The following RAB28 variants were observed in gnomAD, a reference collection of about 807,000 sequenced individuals.
The protein encoded by RAB28 is RAB28, member RAS oncogene family, also known as ras-related protein Rab-28.
RAB28 carries 24 observed loss-of-function variants against 31.7 expected under a neutral mutation model. The observed-to-expected ratio is 0.76, with a 90% CI of 0.55 to 1.06. RAB28 has a LOEUF of 1.06. Ranked by LOEUF, RAB28 falls within the 50% of genes least tolerant of loss-of-function variation. RAB28 has a pLI of 0.00. For missense variants in RAB28, 254 were observed against 258.5 expected (o/e 0.98, Z 0.12); for synonymous variants, 100 against 90.4 (o/e 1.11, Z -0.60).
intron 4 of RAB28, among the ~76,000 whole-genome samples, chr4:13,422,684 G>A (rs565742346): frequency 3.6e-4 from 54 of 151,948 alleles, no homozygotes; most frequent in Middle Eastern, 3.4e-3. Flanking sequence ...CTCACTCATC[G>A]GTGGGAATTG....
At chr4:13,433,055 C>T (rs1413603738) in intron 4 of RAB28, among the ~76,000 whole-genome samples, 1 of 150,508 alleles carries the variant, frequency 6.6e-6, no homozygotes, top group Non-Finnish European at 1.5e-5. Flanking sequence ...CCTTATGCTG[C>T]TGTGAAGAGG....
chr4:13,425,767 C>G (rs1002576092), intron 4 of RAB28, among the ~76,000 whole-genome samples: 7 of 152,072 alleles, frequency 4.6e-5, no homozygotes. Context: ...CTTATATTTG[C>G]TTTAGTTGTA....
chr4:13,483,961 G>A (rs1233169172), intron 1 of RAB28, 115 bp downstream of exon 1: 4 of 984,042 alleles, frequency 4.1e-6, no homozygotes, highest in Admixed American at 4.5e-5. Context: ...AGAAGGGCCC[G>A]GGCCTAGAAG....
intron 4 of RAB28, among the ~76,000 whole-genome samples, chr4:13,426,059 T>C (rs906991390): frequency 6.6e-6 from 1 of 152,214 alleles, no homozygotes; most frequent in Non-Finnish European, 1.5e-5. Flanking sequence ...TTAAGTTTTA[T>C]GGCTGTATTA....
At chr4:13,461,951 G>A (rs891152106) in intron 3 of RAB28, among the ~76,000 whole-genome samples, 1 of 152,124 alleles carries the variant, frequency 6.6e-6, no homozygotes, top group Non-Finnish European at 1.5e-5. Flanking sequence ...AATAAACAGA[G>A]GTTAAAATAA....
At chr4:13,459,670 T>C (rs1715483756) in intron 4 of RAB28, 1 of 784,230 alleles carries the variant, frequency 1.3e-6, no homozygotes. Context: ...TTCTCCCTAG[T>C]ACACTCTTTC....
chr4:13,371,805 A>G (rs1025536886), intron 6 of RAB28: 15 of 1,547,090 alleles, frequency 9.7e-6, no homozygotes, highest in African/African-American at 2.7e-5. Context: ...CTTTATTTTT[A>G]GAGCCACAAA....
intron 4 of RAB28, among the ~76,000 whole-genome samples, chr4:13,390,710 T>G (rs574240030): frequency 1.3e-5 from 2 of 151,990 alleles, no homozygotes; most frequent in African/African-American, 2.4e-5. Flanking sequence ...AACAGAGAGA[T>G]AGATCAATGG....
intron 4 of RAB28, among the ~76,000 whole-genome samples, chr4:13,421,631 T>C (rs1713152405): frequency 6.6e-6 from 1 of 152,190 alleles, no homozygotes. Context: ...TCGACAAACC[T>C]GTCAAAAACA....
At chr4:13,445,412 G>A in intron 4 of RAB28, among the ~76,000 whole-genome samples, 1 of 152,036 alleles carries the variant, frequency 6.6e-6, no homozygotes, top group East Asian at 1.9e-4. Flanking sequence ...CCCTGGAGAA[G>A]TGTTGCGATC....
chr4:13,464,338 C>T (rs1047078093), intron 3 of RAB28, among the ~76,000 whole-genome samples: 1 of 152,084 alleles, frequency 6.6e-6, no homozygotes, highest in African/African-American at 2.4e-5. Context: ...AAAAGGCATA[C>T]TCTGCAGAAT....
chr4:13,470,875 T>A lies in RAB28; in HGVS notation c.261+3443A>T, dbSNP rs141992653. Among the ~76,000 whole-genome samples the A allele has an allele frequency of 1.7e-3, 254 of 152,228 alleles. 5 individuals are homozygous for A. The East Asian group carries it at 0.036, about 21-fold the overall frequency. ...TTCAATTTAGTTTTCATCAACACTT[T>A]CAACAGGCTATTGCTAACATTTAAT... On this transcript the variant is annotated intron_variant, in intron 3 of 6. Transcript: ENST00000330852.
At chr4:13,373,075 G>A (rs1230937911) in intron 6 of RAB28, among the ~76,000 whole-genome samples, 1 of 152,108 alleles carries the variant, frequency 6.6e-6, no homozygotes, top group Non-Finnish European at 1.5e-5. Flanking sequence ...GCTTAAAAAT[G>A]TATTAAGAAT....
rs992452024 is a variant in RAB28 at position 13,368,215 on chromosome 4, C to G, written c.*343G>C. On this transcript the variant is annotated 3_prime_UTR_variant, in exon 7 of 7. Transcript: ENST00000330852. ...CTGTGGCAAAATCCTGGCTGATGAT[C>G]AAGACTTGGAGAGTTTTCATATTAA... 1.0e-6 allele frequency: 1 copy of G among 995,890 alleles called. No individual in the cohort carries two copies. Among genetic ancestry groups the G allele is most frequent in the Non-Finnish European group, 1.2e-6 (1 of 837,210 alleles). The allele number at this position is 995,890 out of a possible 1,614,324, so 61.7% of individuals were successfully genotyped here.
At chr4:13,425,863 G>A (rs1713454180) in intron 4 of RAB28, among the ~76,000 whole-genome samples, 1 of 152,104 alleles carries the variant, frequency 6.6e-6, no homozygotes, top group African/African-American at 2.4e-5. Context: ...ATCACAGTTT[G>A]GAACTGCATC....
chr4:13,469,613 T>C (rs1041277407), intron 3 of RAB28, among the ~76,000 whole-genome samples: 1 of 152,076 alleles, frequency 6.6e-6, no homozygotes, highest in Admixed American at 6.6e-5. Flanking sequence ...TACTTCGTTT[T>C]CATCTATTTC....
chr4:13,420,191 C>A (rs1713044273), intron 4 of RAB28, among the ~76,000 whole-genome samples: 1 of 152,132 alleles, frequency 6.6e-6, no homozygotes, highest in South Asian at 2.1e-4. Flanking sequence ...CATACACCCT[C>A]CCAAGACTAA....
chr4:13,435,884 G>A (rs146701464), intron 4 of RAB28, among the ~76,000 whole-genome samples: 31 of 152,076 alleles, frequency 2.0e-4, no homozygotes, highest in African/African-American at 7.0e-4. Flanking sequence ...AATCAGTATC[G>A]TCCTGATAAC....
chr4:13,460,375 C>A (rs1715530314), intron 4 of RAB28, among the ~76,000 whole-genome samples: 1 of 152,078 alleles, frequency 6.6e-6, no homozygotes, highest in South Asian at 2.1e-4. Flanking sequence ...AGGCATTAAT[C>A]CCATTCTCTT....
Sources: allele counts gnomAD v4.1 joint callset (sites outside exome capture counted in the v4.1 genomes callset), GRCh38; gene constraint gnomAD v4.1.1; transcripts MANE v1.5; gene names NCBI Gene and HGNC (gene_info 2026-07-23, HGNC 2026-07-21).